The following NCOA7 variants were observed in gnomAD, a reference collection of about 807,000 sequenced individuals.
NCOA7 encodes nuclear receptor coactivator 7.
NCOA7 carries 45 observed loss-of-function variants against 104.3 expected under a neutral mutation model. The ratio of observed to expected loss-of-function variants is 0.43; its 90% confidence interval spans 0.34 to 0.55. The LOEUF (loss-of-function observed/expected upper bound fraction) is 0.55, where lower values mean the gene tolerates loss of function less well. Among genes scored for constraint, NCOA7 ranks in the 20% least tolerant of loss-of-function variants. The pLI, the probability that NCOA7 is intolerant of heterozygous loss-of-function variation, is 0.02. For missense variants in NCOA7, 1,041 were observed against 1,119.7 expected, an observed-to-expected ratio of 0.93 and a Z score of 1.00; for synonymous variants, 398 against 402.3, an observed-to-expected ratio of 0.99 and a Z score of 0.13.
chr6:125,875,234 C>G (rs1783260943), intron 4 of NCOA7: 2 of 332,922 alleles, frequency 6.0e-6, no homozygotes, highest in Non-Finnish European at 1.2e-5. Context: ...TTAGGCTGAT[C>G]TGGCTGACTA....
chr6:125,871,537 C>T (rs776449745), intron 3 of NCOA7, among the ~76,000 whole-genome samples: 14 of 152,186 alleles, frequency 9.2e-5, no homozygotes, highest in Admixed American at 3.3e-4. Flanking sequence ...AAATTATATC[C>T]TCTTTGCTTC....
intron 10 of NCOA7, among the ~76,000 whole-genome samples, chr6:125,902,268 A>G (rs1785572516): frequency 6.6e-6 from 1 of 152,172 alleles, no homozygotes; most frequent in Non-Finnish European, 1.5e-5. Flanking sequence ...GAGACTTTCT[A>G]AAAGATCTGT....
At chr6:125,891,875 A>G (rs568710253) in intron 10 of NCOA7, among the ~76,000 whole-genome samples, 2 of 152,262 alleles carry the variant, frequency 1.3e-5, no homozygotes, top group South Asian at 4.2e-4. Context: ...TATGTAATAT[A>G]CTCCATCACC....
intron 10 of NCOA7, chr6:125,900,082 G>T (rs1583496056): frequency 1.9e-6 from 1 of 530,016 alleles, no homozygotes. Context: ...TGTGGAATGG[G>T]GGTAAAGGAA....
chr6:125,878,228 T>G (rs747025284), intron 4 of NCOA7, 35 bp from the exon 5 acceptor site: 1 of 1,467,964 alleles, frequency 6.8e-7, no homozygotes, highest in Non-Finnish European at 9.2e-7. Context: ...TTTTTTTGCT[T>G]TATTTATTGA....
At chr6:125,913,334 CTG>C (rs1274175776) in intron 10 of NCOA7, among the ~76,000 whole-genome samples, 1 of 152,194 alleles carries the variant, frequency 6.6e-6, no homozygotes, top group Non-Finnish European at 1.5e-5. Flanking sequence ...TAAGAGACCT[CTG>C]TGATTTTCTC....
chr6:125,799,042 T>A (rs1171601328), intron 1 of NCOA7, among the ~76,000 whole-genome samples: 1 of 152,112 alleles, frequency 6.6e-6, no homozygotes, highest in African/African-American at 2.4e-5. Context: ...CCAAGTAAAA[T>A]GACTGAAGAG....
chr6:125,830,761 A>ATGTGTGTGTGTG (rs59933115), intron 2 of NCOA7, among the ~76,000 whole-genome samples: 4 of 144,024 alleles, frequency 2.8e-5, no homozygotes, highest in Non-Finnish European at 4.5e-5. Context: ...GTGTGTGTGT[A>ATGTGTGTGTGTG]TGTGTGTGTG....
chr6:125,899,514 A>G (rs920433917), intron 10 of NCOA7, among the ~76,000 whole-genome samples: 4 of 152,172 alleles, frequency 2.6e-5, no homozygotes, highest in Non-Finnish European at 4.4e-5. Context: ...CCACTTACCA[A>G]TGTGTTATAC....
At chr6:125,838,475 G>A (rs1400654973) in intron 2 of NCOA7, among the ~76,000 whole-genome samples, 1 of 152,138 alleles carries the variant, frequency 6.6e-6, no homozygotes, top group African/African-American at 2.4e-5. Context: ...CTGGATTGAT[G>A]CAAAACTCCC....
intron 10 of NCOA7, among the ~76,000 whole-genome samples, chr6:125,892,055 A>C (rs1430999205): frequency 6.6e-6 from 1 of 152,208 alleles, no homozygotes; most frequent in Non-Finnish European, 1.5e-5. Flanking sequence ...CAGCTGAATA[A>C]TATCTAAGAG....
chr6:125,898,847 CTTATAA>C (rs1215044292), intron 10 of NCOA7, among the ~76,000 whole-genome samples: 3 of 151,944 alleles, frequency 2.0e-5, no homozygotes, highest in Non-Finnish European at 2.9e-5. Context: ...TTTGTTATTT[CTTATAA>C]TTAAAATTAT....
intron 11 of NCOA7, chr6:125,919,373 T>C (rs1787366825): frequency 6.2e-7 from 1 of 1,612,836 alleles, no homozygotes; most frequent in Non-Finnish European, 8.5e-7. Flanking sequence ...GGCCAAAGAT[T>C]ACCCTTGGAC....
At chr6:125,836,812 C>T (rs988109763) in intron 2 of NCOA7, among the ~76,000 whole-genome samples, 7 of 152,160 alleles carry the variant, frequency 4.6e-5, no homozygotes, top group South Asian at 2.1e-4. Context: ...AAAAAGAACA[C>T]GTAGTAAAAT....
chr6:125,917,029 T>C (rs1418473021), intron 11 of NCOA7, among the ~76,000 whole-genome samples: 1 of 152,174 alleles, frequency 6.6e-6, no homozygotes, highest in Non-Finnish European at 1.5e-5. Flanking sequence ...CATTTAAATA[T>C]ACAAGCAAGC....
chr6:125,923,630 GAGCAGATTTTCTGTCACTGA>G (rs1202343721), intron 13 of NCOA7, among the ~76,000 whole-genome samples: 1 of 152,156 alleles, frequency 6.6e-6, no homozygotes, highest in African/African-American at 2.4e-5. Context: ...ATGCAGCATT[GAGCAGATTTTCTGTCACTGA>G]AGCAGATTTT....
intron 1 of NCOA7, among the ~76,000 whole-genome samples, chr6:125,782,250 T>TATATTTCTATC (rs1358320347): frequency 6.6e-6 from 1 of 152,230 alleles, no homozygotes; most frequent in Non-Finnish European, 1.5e-5. Flanking sequence ...TATTTCTATC[T>TATATTTCTATC]TACAGTACTG....
At chr6:125,916,687 C>T (rs1389013500) in intron 11 of NCOA7, among the ~76,000 whole-genome samples, 4 of 152,218 alleles carry the variant, frequency 2.6e-5, no homozygotes, top group African/African-American at 9.7e-5. Context: ...CCTCTCCCAT[C>T]TACTGCACCC....
intron 13 of NCOA7, among the ~76,000 whole-genome samples, chr6:125,927,292 C>A (rs1221849988): frequency 6.6e-6 from 1 of 152,162 alleles, no homozygotes; most frequent in Non-Finnish European, 1.5e-5. Context: ...TTTCTGTGAG[C>A]AAGATGTATC....
Sources: gnomAD v4.1 joint callset for allele counts (sites outside exome capture counted in the v4.1 genomes callset) on GRCh38, gnomAD v4.1.1 for gene constraint, MANE v1.5 for transcripts, NCBI Gene and HGNC (gene_info 2026-07-23, HGNC 2026-07-21) for gene names.